Variants in SEMA4D observed in about 807,000 individuals in gnomAD.
The protein encoded by SEMA4D is semaphorin-4D.
Under a neutral mutation model 74.8 loss-of-function variants are expected in SEMA4D, and 22 were observed. That is an observed-to-expected ratio of 0.29 (90% CI 0.21 to 0.42). The LOEUF (loss-of-function observed/expected upper bound fraction) is 0.42. Among genes scored for constraint, SEMA4D ranks in the 10% least tolerant of loss-of-function variants. The probability of loss-of-function intolerance (pLI) is 1.00; values close to 1 mark genes in which losing one functional copy is unlikely to be tolerated. For synonymous variants in SEMA4D, 445 were observed against 463.7 expected (o/e 0.96, Z 0.52); for missense variants, 937 against 1,118.4 (o/e 0.84, Z 2.31).
At chr9:89,368,255 A>G (rs989687903) in intron 16 of SEMA4D, 10 of 152,366 alleles carry the variant, frequency 6.6e-5, no homozygotes, top group African/African-American at 2.4e-4. Context: ...GGCAGCGGGC[A>G]CATCCCCAGA....
chr9:89,395,610 G>C (rs1262025954), intron 6 of SEMA4D, among the ~76,000 whole-genome samples: 1 of 152,040 alleles, frequency 6.6e-6, no homozygotes, highest in Non-Finnish European at 1.5e-5. Context: ...CGTACTTTCT[G>C]CACAAAAGTA....
intron 2 of SEMA4D, chr9:89,418,247 C>A: frequency 1.4e-6 from 1 of 691,974 alleles, no homozygotes. Flanking sequence ...CTTCCTTAGA[C>A]GCAGGATCAG....
At chr9:89,487,398 T>C (rs995052301) in intron 1 of SEMA4D, among the ~76,000 whole-genome samples, 3 of 152,124 alleles carry the variant, frequency 2.0e-5, no homozygotes, top group Admixed American at 6.5e-5. Context: ...TAAAAGGCAC[T>C]TCATATCTTT....
chr9:89,407,463 C>T (rs1019309214), intron 2 of SEMA4D, among the ~76,000 whole-genome samples: 5 of 152,208 alleles, frequency 3.3e-5, no homozygotes, highest in African/African-American at 1.2e-4. Flanking sequence ...TCTATGCAGA[C>T]TTGCTAATAA....
rs1455813964 is a variant in SEMA4D, at chr9:89,377,878, G to C, written c.*826C>G. On this transcript the variant is annotated 3_prime_UTR_variant, in exon 16 of 16. Transcript: ENST00000422704. ...TGGATGTGGGAAGGTCCTCTTCTTC[G>C]AGAGAGTAAAAGTTAAAAAAAAAGA... is the stretch of plus-strand genomic sequence containing the variant. The C allele has an allele frequency of 6.9e-6, 1 of 145,620 alleles. No homozygotes were observed. The highest frequency in any genetic ancestry group is 2.6e-5 in the African/African-American group (1 of 39,182). The allele number at this position is 145,620 out of a possible 1,614,324, so 9.0% of individuals were successfully genotyped here.
At chr9:89,482,307 C>G (rs1450838184) in intron 1 of SEMA4D, among the ~76,000 whole-genome samples, 1 of 152,186 alleles carries the variant, frequency 6.6e-6, no homozygotes, top group African/African-American at 2.4e-5. Flanking sequence ...AGTCTCAGAC[C>G]ATGGAATCTG....
At chr9:89,483,607 G>A (rs1054612378) in intron 1 of SEMA4D, among the ~76,000 whole-genome samples, 5 of 152,230 alleles carry the variant, frequency 3.3e-5, no homozygotes, top group African/African-American at 9.6e-5. Context: ...GGGGTCAGTA[G>A]TTCTCAATCT....
chr9:89,445,837 T>C (rs1317229323), intron 2 of SEMA4D, among the ~76,000 whole-genome samples: 2 of 152,100 alleles, frequency 1.3e-5, no homozygotes, highest in South Asian at 2.1e-4. Context: ...TTGCACGCCA[T>C]ACCCAGGCCT....
At chr9:89,488,979 A>G (rs1825416203) in intron 1 of SEMA4D, among the ~76,000 whole-genome samples, 1 of 152,258 alleles carries the variant, frequency 6.6e-6, no homozygotes. Flanking sequence ...AGTGATCAAA[A>G]GATCTGAACA....
At chr9:89,410,250 C>A (rs1047509613) in intron 2 of SEMA4D, among the ~76,000 whole-genome samples, 3 of 152,206 alleles carry the variant, frequency 2.0e-5, no homozygotes, top group African/African-American at 4.8e-5. Context: ...GTAACTGCAA[C>A]CACACAGATA....
In SEMA4D at chr9:89,364,067, A is replaced by C. The variant is rs558650377; in HGVS notation, c.1883-117T>G. ...CCAGTTGGACCTGAAGTGACTTGGG[A>C]CAACTTCCAATTCAGTCCCTGGGAC... On this transcript the variant is annotated intron_variant, in intron 16 of 18. Transcript: ENST00000339861. 4 of 1,590,476 alleles carry C rather than the reference A, an allele frequency of 2.5e-6. No individual in the cohort carries two copies. In the South Asian group the frequency reaches 4.6e-5, roughly 18 times the overall value.
chr9:89,375,612 T>C (rs1471568375), downstream of SEMA4D, among the ~76,000 whole-genome samples: 1 of 152,238 alleles, frequency 6.6e-6, no homozygotes, highest in East Asian at 1.9e-4. Flanking sequence ...TTCATTAACT[T>C]CATCCCTCCC....
intron 9 of SEMA4D, among the ~76,000 whole-genome samples, chr9:89,390,624 TGA>T (rs565347459): frequency 1.5e-3 from 224 of 152,288 alleles, no homozygotes; most frequent in Non-Finnish European, 3.0e-3. Context: ...CCAATTTCCA[TGA>T]GAGACGAATG....
intron 2 of SEMA4D, among the ~76,000 whole-genome samples, chr9:89,455,082 A>G (rs1290059510): frequency 2.6e-5 from 4 of 152,262 alleles, no homozygotes; most frequent in Non-Finnish European, 5.9e-5. Flanking sequence ...AGCCTGGGTC[A>G]TAGCCTACAA....
intron 2 of SEMA4D, among the ~76,000 whole-genome samples, chr9:89,445,604 T>C (rs1852624415): frequency 6.6e-6 from 1 of 152,152 alleles, no homozygotes; most frequent in Admixed American, 6.5e-5. Context: ...CAATAGGATG[T>C]GCACAGGGAG....
rs1564832883 is a variant in SEMA4D at position 89,450,659 on chromosome 9, G to GAA, written c.-244+5228_-244+5229insTT. ...AGAGTTCTGCAAGTCGAAAAACCCA[G>GAA]GAAAAAAAAAAAAAAAAAAAAAAAA... On this transcript the variant is annotated intron_variant, in intron 2 of 15. Transcript: ENST00000422704. The GAA allele has an allele frequency of 5.9e-5, 25 of 421,250 alleles. 2 individuals are homozygous for GAA. The highest frequency in any genetic ancestry group is 1.5e-4 in the East Asian group (3 of 19,964). 26.1% of individuals were successfully genotyped at this position (421,250 alleles called of 1,614,324 possible). A position where few individuals can be genotyped will look rare whatever the true frequency, so the allele number is the denominator to read the frequency against.
chr9:89,378,728 A>G lies in SEMA4D; in HGVS notation c.2565T>C (p.Ala855=), dbSNP rs906871674. Residue 855 remains alanine (A), a synonymous_variant, in exon 16 of 16, where the codon GCT becomes GCC. Transcript: ENST00000422704. ...CTCAGTCTCCATCTGCGTCTGAGTC[A>G]GCGAACTTCAGCTCACACTTGACGT... The part of the protein sequence containing the change: ...PFDVKCELKF[A]DSDADGD 8 of 1,614,120 alleles carry G rather than the reference A, an allele frequency of 5.0e-6. No homozygotes were observed. The highest frequency in any genetic ancestry group is 6.8e-6 in the Non-Finnish European group (8 of 1,179,966).
intron 16 of SEMA4D, among the ~76,000 whole-genome samples, chr9:89,371,986 G>GT (rs1835027653): frequency 1.9e-5 from 1 of 52,824 alleles, no homozygotes; most frequent in African/African-American, 8.8e-5. Flanking sequence ...GTGTGTCTGG[G>GT]GTGTGGTGTG....
intron 2 of SEMA4D, among the ~76,000 whole-genome samples, chr9:89,434,272 G>A (rs1290589065): frequency 1.3e-5 from 2 of 152,174 alleles, no homozygotes; most frequent in African/African-American, 4.8e-5. Context: ...GGAGGGAGGG[G>A]TCTCGGTCTA....
Sources: allele counts gnomAD v4.1 joint callset (sites outside exome capture counted in the v4.1 genomes callset), GRCh38; gene constraint gnomAD v4.1.1; transcripts MANE v1.5; gene names NCBI Gene and HGNC (gene_info 2026-07-23, HGNC 2026-07-21).